Variants in UBR1 observed in about 807,000 individuals in gnomAD.
The protein encoded by UBR1 is ubiquitin protein ligase E3 component n-recognin 1, also known as E3 ubiquitin-protein ligase UBR1.
Under a neutral mutation model 242.1 loss-of-function variants are expected in UBR1, and 102 were observed. The ratio of observed to expected loss-of-function variants is 0.42; its 90% CI spans 0.36 to 0.50. UBR1 has a LOEUF of 0.50. UBR1 is among the 20% of genes least tolerant of loss of function. The pLI is 0.01. For synonymous variants in UBR1, 675 were observed against 684.8 expected, an observed-to-expected ratio of 0.99 and a Z score of 0.22; for missense variants, 1,772 against 2,101.8, an observed-to-expected ratio of 0.84 and a Z score of 3.07.
intron 30 of UBR1, among the ~76,000 whole-genome samples, chr15:43,005,175 C>A (rs1047159875): frequency 6.6e-6 from 1 of 151,464 alleles, no homozygotes; most frequent in Non-Finnish European, 1.5e-5. Context: ...AGAGCCCCTC[C>A]GCCCAGCAGC....
chr15:43,011,154 C>G (rs2032918205), intron 29 of UBR1, among the ~76,000 whole-genome samples: 1 of 151,424 alleles, frequency 6.6e-6, no homozygotes, highest in Admixed American at 6.6e-5. Flanking sequence ...TGCATTCTAG[C>G]CTGGGCAACA....
At chr15:43,007,032 G>A in intron 30 of UBR1, 47 bp downstream of exon 30, 1 of 1,572,108 alleles carries the variant, frequency 6.4e-7, no homozygotes, top group Non-Finnish European at 8.8e-7. Flanking sequence ...TAATTACACA[G>A]GCATGAAAAG....
In UBR1 at chr15:42,950,523, A is replaced by G. The variant is rs1055471067; in HGVS notation, c.5007-160T>C. The G allele has an allele frequency of 9.1e-6, 6 of 657,362 alleles. No homozygotes were observed. The African/African-American group carries it at 1.1e-4, about 12-fold the overall frequency. 40.7% of individuals were successfully genotyped at this position (657,362 alleles called of 1,614,324 possible). On this transcript the variant is annotated intron_variant, in intron 45 of 46. Coordinates refer to ENST00000290650, the MANE Select transcript of UBR1 (RefSeq NM_174916.3). ...AAATAGACTAAATTATGTTTTGTCT[A>G]AATAAAAGAGAACACTTATTGCTAT...
chr15:43,027,511 GA>G (rs2033193294), intron 22 of UBR1, among the ~76,000 whole-genome samples: 1 of 152,058 alleles, frequency 6.6e-6, no homozygotes, highest in South Asian at 2.1e-4. Context: ...GAGAGTATCA[GA>G]AAAGTTCATT....
chr15:43,094,817 T>C (rs1385538412), intron 1 of UBR1, among the ~76,000 whole-genome samples: 1 of 152,254 alleles, frequency 6.6e-6, no homozygotes, highest in Non-Finnish European at 1.5e-5. Context: ...TATGCCTTTA[T>C]GGCATTGATA....
At chr15:43,050,101 GC>G (rs1185143546) in intron 12 of UBR1, among the ~76,000 whole-genome samples, 3 of 152,082 alleles carry the variant, frequency 2.0e-5, no homozygotes, top group Non-Finnish European at 4.4e-5. Context: ...ACAGGCGCGT[GC>G]CACCAAACCT....
At chr15:43,061,854 C>T (rs986972860) in intron 6 of UBR1, among the ~76,000 whole-genome samples, 3 of 152,012 alleles carry the variant, frequency 2.0e-5, no homozygotes, top group African/African-American at 4.8e-5. Flanking sequence ...AAATAGGATG[C>T]AGTGTATACT....
At chr15:43,012,287 A>T (rs544139760) in intron 29 of UBR1, among the ~76,000 whole-genome samples, 4 of 152,162 alleles carry the variant, frequency 2.6e-5, no homozygotes, top group Admixed American at 6.5e-5. Context: ...AAAGATTCCT[A>T]AGACACTGAA....
chr15:42,972,292 A>G (rs1356413887), intron 39 of UBR1, among the ~76,000 whole-genome samples: 2 of 152,066 alleles, frequency 1.3e-5, no homozygotes, highest in Non-Finnish European at 2.9e-5. Context: ...ACCTTTTCAA[A>G]TTGACTTATT....
chr15:43,015,070 C>G (rs2032998425), intron 29 of UBR1, among the ~76,000 whole-genome samples: 2 of 151,722 alleles, frequency 1.3e-5, no homozygotes, highest in African/African-American at 4.8e-5. Flanking sequence ...AGGTGGGGGG[C>G]ACCTCGGCCC....
intron 12 of UBR1, 49 bp downstream of exon 12, chr15:43,054,693 G>A (rs771097847): frequency 1.3e-6 from 2 of 1,599,644 alleles, no homozygotes; most frequent in East Asian, 4.5e-5. Context: ...CAGCAAATAA[G>A]CACACTGAGT....
At position 42,976,606 on chromosome 15, in the gene UBR1, AAACAT is replaced by A. The variant is rs2032292228; in HGVS notation, c.4369+106_4369+110del. 6 of 1,363,432 alleles carry A rather than the reference AAACAT, an allele frequency of 4.4e-6. No homozygotes were observed. In the East Asian group the frequency reaches 1.4e-4, roughly 33 times the overall value. The allele number at this position is 1,363,432 out of a possible 1,614,324, so 84.5% of individuals were successfully genotyped here. A position where few individuals can be genotyped will look rare whatever the true frequency, so the allele number is the denominator to read the frequency against. On this transcript the variant is annotated intron_variant, in intron 39 of 46. Transcript: ENST00000290650. Reference sequence around the variant, plus strand: ...AAAAAACAGATAATCATTCAACAAAAAACATAACACAGAACCTAGAAATACATTAT... The same window carrying A: ...AAAAAACAGATAATCATTCAACAAAAAACACAGAACCTAGAAATACATTAT...
At chr15:43,081,417 C>CAAAA (rs71108197) in intron 3 of UBR1, among the ~76,000 whole-genome samples, 1,788 of 66,898 alleles carry the variant, frequency 0.027, no homozygotes, top group Non-Finnish European at 0.033. Context: ...CACCCCATCT[C>CAAAA]AAAAAAAAAA....
intron 1 of UBR1, 140 bp from the exon 2 acceptor site, chr15:43,086,380 G>T: frequency 9.9e-7 from 1 of 1,007,442 alleles, no homozygotes; most frequent in Non-Finnish European, 1.4e-6. Flanking sequence ...AAGGAAAGTG[G>T]GTGATTAAAA....
intron 6 of UBR1, among the ~76,000 whole-genome samples, chr15:43,067,026 G>A (rs998020803): frequency 1.3e-5 from 2 of 152,170 alleles, no homozygotes; most frequent in African/African-American, 4.8e-5. Context: ...GGTTACTGGT[G>A]TGCCAAGATA....
intron 27 of UBR1, among the ~76,000 whole-genome samples, chr15:43,018,278 G>A (rs1240698201): frequency 6.6e-6 from 1 of 152,144 alleles, no homozygotes; most frequent in Non-Finnish European, 1.5e-5. Flanking sequence ...TGGGACTACA[G>A]GCATGAGCCA....
At chr15:43,025,726 A>T (rs2033169896) in intron 23 of UBR1, 1 of 310,560 alleles carries the variant, frequency 3.2e-6, no homozygotes, top group Non-Finnish European at 6.0e-6. Flanking sequence ...TTTACTTGAT[A>T]AGGACAAAGC....
rs1263614106 is a variant in UBR1 at position 42,990,035 on chromosome 15, C to T, written c.3843G>A (p.Glu1281=). The T allele has an allele frequency of 1.2e-6, 2 of 1,607,542 alleles. No individual in the cohort carries two copies. Among genetic ancestry groups the T allele is most frequent in the East Asian group, 4.5e-5 (2 of 44,810 alleles). ...EFHSILSFGV[E]SSIKYSNSIK... ...TTAACTATTTAGATACTTACGAAGA[C>T]TCAACGCCAAAACTCAGGATGGAAT... Residue 1281 remains glutamate (E), a synonymous_variant, in exon 34 of 47, where the codon GAG becomes GAA. Coordinates refer to ENST00000290650, the MANE Select transcript of UBR1 (RefSeq NM_174916.3).
At chr15:43,056,511 T>C in intron 10 of UBR1, 69 bp from the exon 11 acceptor site, 1 of 1,036,238 alleles carries the variant, frequency 9.7e-7, no homozygotes, top group Non-Finnish European at 1.5e-6. Context: ...CCAATTTTAA[T>C]AACTGCTGCA....
Sources: allele counts gnomAD v4.1 joint callset (sites outside exome capture counted in the v4.1 genomes callset), GRCh38; gene constraint gnomAD v4.1.1; transcripts MANE v1.5; gene names NCBI Gene and HGNC (gene_info 2026-07-23, HGNC 2026-07-21).